The following ASIC1 variants were observed in gnomAD, a reference collection of about 807,000 sequenced individuals.
ASIC1 encodes acid sensing ion channel subunit 1, also known as acid-sensing ion channel 1.
A neutral mutation model predicts 63.4 loss-of-function variants in ASIC1; 21 were observed. That is an observed-to-expected ratio of 0.33 (90% confidence interval 0.23 to 0.48). The LOEUF (loss-of-function observed/expected upper bound fraction) is 0.48. ASIC1 is among the 20% of genes least tolerant of loss of function. The pLI is 0.99. For missense variants in ASIC1, 478 were observed against 695.5 expected, an observed-to-expected ratio of 0.69 and a Z score of 3.52; for synonymous variants, 258 against 278.2, an observed-to-expected ratio of 0.93 and a Z score of 0.72.
At chr12:50,073,777 G>A (rs1197814939) in intron 3 of ASIC1, 9 of 1,535,960 alleles carry the variant, frequency 5.9e-6, no homozygotes, top group Non-Finnish European at 7.8e-6. Flanking sequence ...CATGGACTTG[G>A]TGGCCTTTGC....
In ASIC1 at chr12:50,078,989, C is replaced by T; in HGVS notation, c.1051+9C>T. 1 of 1,612,918 alleles carries T rather than the reference C, an allele frequency of 6.2e-7. No homozygotes were observed. Among genetic ancestry groups the T allele is most frequent in the Non-Finnish European group, 8.5e-7 (1 of 1,179,538 alleles). On this transcript the variant is annotated intron_variant, in intron 7 of 11. Coordinates refer to ENST00000447966, the MANE Select transcript of ASIC1 (RefSeq NM_001095.4). The surrounding 1 kb of genome is among the most constrained non-coding windows in gnomAD (Gnocchi z 6.0). ...TGCAGATCCTGCTCTGGGTGAGCGCCCCTGGCCTGGGGCAGTCTGGGGGAG... is the reference window on the plus strand; with the variant it reads ...TGCAGATCCTGCTCTGGGTGAGCGCTCCTGGCCTGGGGCAGTCTGGGGGAG...
chr12:50,066,630 T>A (rs1441252529), intron 3 of ASIC1, among the ~76,000 whole-genome samples: 1 of 152,138 alleles, frequency 6.6e-6, no homozygotes, highest in African/African-American at 2.4e-5. Context: ...TCACATTGCG[T>A]TCATGCTCAA....
At chr12:50,058,223 G>A (rs910058709) in intron 1 of ASIC1, among the ~76,000 whole-genome samples, 4 of 152,144 alleles carry the variant, frequency 2.6e-5, no homozygotes, top group African/African-American at 9.7e-5. Flanking sequence ...ACACCCGCAG[G>A]TGAGGACTCA....
chr12:50,081,751 C>G lies in ASIC1; in HGVS notation c.*102C>G. 9.8e-7 allele frequency: 1 copy of G among 1,024,426 alleles called. No individual in the cohort carries two copies. Among genetic ancestry groups the G allele is most frequent in the Non-Finnish European group, 1.5e-6 (1 of 689,122 alleles). 63.5% of individuals were successfully genotyped at this position (1,024,426 alleles called of 1,614,324 possible). On this transcript the variant is annotated 3_prime_UTR_variant, in exon 12 of 12. Transcript: ENST00000447966. ...ATCTGCCCTGGGGACTCCCCACACT[C>G]CGGGGCAGATCTTTCCTCTTGTCTG...
intron 3 of ASIC1, chr12:50,073,591 A>T (rs1409507590): frequency 9.9e-6 from 15 of 1,521,772 alleles, no homozygotes; most frequent in African/African-American, 1.4e-5. Flanking sequence ...GAAAATGCCC[A>T]TCCAGATCTT....
rs1950710743 is a variant in ASIC1, at chr12:50,081,083, CT to C, written c.1298-18del. Reference sequence around the variant, plus strand: ...CGATGTCCTGACCCCACTGACCCCCCTGGCGCCTGCCCCCGCAGGTGACATC... The same window carrying C: ...CGATGTCCTGACCCCACTGACCCCCCGGCGCCTGCCCCCGCAGGTGACATC... On this transcript the variant is annotated intron_variant, in intron 9 of 11. Transcript: ENST00000447966. 1 of 1,569,208 alleles carries C rather than the reference CT, an allele frequency of 6.4e-7. No homozygotes were observed. The highest frequency in any genetic ancestry group is 1.9e-5 in the Admixed American group (1 of 52,762).
chr12:50,073,909 G>A (rs1950625875), intron 3 of ASIC1: 2 of 1,535,506 alleles, frequency 1.3e-6, no homozygotes, highest in African/African-American at 2.7e-5. Flanking sequence ...CCAGGTAGGG[G>A]ACCGCGTTGC....
At chr12:50,058,468 T>A (rs1950468139) in intron 1 of ASIC1, among the ~76,000 whole-genome samples, 1 of 152,130 alleles carries the variant, frequency 6.6e-6, no homozygotes, top group South Asian at 2.1e-4. Flanking sequence ...CATCAGGACT[T>A]CCCCCTCAAC....
intron 8 of ASIC1, 142 bp from the exon 9 acceptor site, chr12:50,080,355 TA>T: frequency 1.2e-6 from 1 of 865,752 alleles, no homozygotes; most frequent in Non-Finnish European, 1.8e-6. Flanking sequence ...CATTTAATCC[TA>T]AAAGGCAGGT....
chr12:50,077,881 C>T lies in ASIC1; in HGVS notation c.710-119C>T, dbSNP rs976377104. The T allele has an allele frequency of 1.4e-5, 21 of 1,458,130 alleles. No individual in the cohort carries two copies. In the East Asian group the frequency reaches 2.7e-4, roughly 19 times the overall value. 90.3% of individuals were successfully genotyped at this position (1,458,130 alleles called of 1,614,324 possible). The stretch of plus-strand genomic sequence containing the variant: ...GGTGGGCTAGGACCCTATAGACTTC[C>T]CCCACCCCAGCCCCAGTGCACCCTA... On this transcript the variant is annotated intron_variant, in intron 4 of 11. Coordinates refer to ENST00000447966, the MANE Select transcript of ASIC1 (RefSeq NM_001095.4).
intron 3 of ASIC1, among the ~76,000 whole-genome samples, chr12:50,069,980 A>C (rs1382867007): frequency 1.3e-5 from 2 of 152,188 alleles, no homozygotes; most frequent in Non-Finnish European, 2.9e-5. Context: ...AAGTTACTCA[A>C]ACCTGCTTAT....
intron 3 of ASIC1, among the ~76,000 whole-genome samples, chr12:50,061,333 T>G (rs1181724402): frequency 6.6e-6 from 1 of 152,216 alleles, no homozygotes; most frequent in Non-Finnish European, 1.5e-5. Context: ...TCACTGGCCT[T>G]TGTCAATCCT....
At chr12:50,080,890 T>G in intron 9 of ASIC1, 1 of 842,092 alleles carries the variant, frequency 1.2e-6, no homozygotes, top group Non-Finnish European at 1.9e-6. Context: ...TTATTTTTCT[T>G]GAAAAACACC....
At chr12:50,068,140 T>C (rs987584355) in intron 3 of ASIC1, among the ~76,000 whole-genome samples, 6 of 152,232 alleles carry the variant, frequency 3.9e-5, no homozygotes, top group Non-Finnish European at 7.3e-5. Flanking sequence ...CTGTTTGTTT[T>C]GTTTTGTTTT....
chr12:50,065,995 A>G (rs706789), intron 3 of ASIC1, among the ~76,000 whole-genome samples: 144,898 of 152,272 alleles, frequency 0.95, 69,076 homozygotes, highest in Non-Finnish European at 0.98. Flanking sequence ...GTGTGTCTGC[A>G]GGGGAGTGTG....
intron 3 of ASIC1, chr12:50,076,638 G>T (rs1268151456): frequency 1.5e-5 from 3 of 205,990 alleles, no homozygotes; most frequent in African/African-American, 7.0e-5. Flanking sequence ...TATATGTCAG[G>T]GTCCTGGCAG....
rs1950714186 is a variant in ASIC1 at position 50,081,281 on chromosome 12, C to T, written c.1399C>T (p.Arg467Ter). 6.2e-7 allele frequency: 1 copy of T among 1,609,680 alleles called. No homozygotes were observed. ...AYEVIKHKLC[R>*]RGKCQKEAKR... is the part of the protein sequence containing the mutation. ...CTAGGTCATTAAGCACAAGCTGTGC[C>T]GACGAGGAAAATGCCAGAAGGAGGC... Residue 467 changes from arginine to a stop codon, truncating the protein, a stop_gained, in exon 11 of 12, where the codon CGA becomes TGA. Transcript: ENST00000447966. LOFTEE classifies it high-confidence loss of function.
chr12:50,062,367 G>A (rs1294203820), intron 3 of ASIC1, among the ~76,000 whole-genome samples: 1 of 152,348 alleles, frequency 6.6e-6, no homozygotes, highest in African/African-American at 2.4e-5. Flanking sequence ...CTGGGCAGAT[G>A]TAGCACTGAC....
chr12:50,072,579 C>G (rs1267765258), intron 3 of ASIC1, among the ~76,000 whole-genome samples: 1 of 152,192 alleles, frequency 6.6e-6, no homozygotes, highest in Non-Finnish European at 1.5e-5. Context: ...TGCCCCACCC[C>G]CAGCACTGAT....
Sources: allele counts gnomAD v4.1 joint callset (sites outside exome capture counted in the v4.1 genomes callset), GRCh38; gene constraint gnomAD v4.1.1; non-coding constraint Gnocchi (gnomAD v3.1); transcripts MANE v1.5; gene names NCBI Gene and HGNC (gene_info 2026-07-23, HGNC 2026-07-21).